The following NRG3 variants were observed in gnomAD, a reference collection of about 807,000 sequenced individuals.
The protein encoded by NRG3 is neuregulin 3, also known as pro-neuregulin-3, membrane-bound isoform.
A neutral mutation model predicts 66.9 loss-of-function variants in NRG3; 31 were observed. The observed-to-expected ratio is 0.46, with a 90% CI of 0.35 to 0.63. The LOEUF is 0.63. NRG3 is among the 20% of genes least tolerant of loss of function. The pLI is 0.00. For synonymous variants in NRG3, 393 were observed against 359.4 expected, an observed-to-expected ratio of 1.09 and a Z score of -1.06; for missense variants, 910 against 878.9, an observed-to-expected ratio of 1.04 and a Z score of -0.45.
At chr10:82,385,485 T>G (rs1333028979) in intron 2 of NRG3, among the ~76,000 whole-genome samples, 1 of 152,160 alleles carries the variant, frequency 6.6e-6, no homozygotes, top group Non-Finnish European at 1.5e-5. Flanking sequence ...AGAATGATAT[T>G]CACTGGTAGG....
chr10:82,074,702 T>C (rs1251315753), intron 1 of NRG3, among the ~76,000 whole-genome samples: 1 of 152,136 alleles, frequency 6.6e-6, no homozygotes, highest in African/African-American at 2.4e-5. Flanking sequence ...CTGGGCATAG[T>C]AGTGTGTGCC....
chr10:82,651,810 G>C (rs1236411009), intron 2 of NRG3, among the ~76,000 whole-genome samples: 1 of 152,200 alleles, frequency 6.6e-6, no homozygotes. Flanking sequence ...CCAAATATCA[G>C]TAGTTCCAAG....
At chr10:82,062,049 A>C (rs988868090) in intron 1 of NRG3, among the ~76,000 whole-genome samples, 6 of 152,166 alleles carry the variant, frequency 3.9e-5, no homozygotes, top group Non-Finnish European at 7.4e-5. Flanking sequence ...ATCCAAAGAT[A>C]GCTTTGGGTT....
At chr10:82,700,816 A>T (rs2055813097) in intron 2 of NRG3, among the ~76,000 whole-genome samples, 1 of 152,132 alleles carries the variant, frequency 6.6e-6, no homozygotes, top group Non-Finnish European at 1.5e-5. Context: ...CAGAAGAAAT[A>T]AATAAATAAT....
chr10:82,668,192 G>T (rs1408289725), intron 2 of NRG3, among the ~76,000 whole-genome samples: 2 of 151,974 alleles, frequency 1.3e-5, no homozygotes, highest in African/African-American at 4.8e-5. Context: ...AGCCCTTTGA[G>T]GCAGAGATGA....
intron 2 of NRG3, among the ~76,000 whole-genome samples, chr10:82,711,989 A>G (rs1015674638): frequency 7.2e-5 from 11 of 152,216 alleles, no homozygotes; most frequent in Admixed American, 5.9e-4. Flanking sequence ...TTTCTATTCA[A>G]GAAAATGATA....
chr10:82,671,996 G>C (rs912573240), intron 2 of NRG3, among the ~76,000 whole-genome samples: 1 of 152,012 alleles, frequency 6.6e-6, no homozygotes, highest in African/African-American at 2.4e-5. Flanking sequence ...CCCAAGTTTC[G>C]GGCCTGAACT....
intron 1 of NRG3, among the ~76,000 whole-genome samples, chr10:81,901,120 A>G (rs552356283): frequency 6.6e-6 from 1 of 152,322 alleles, no homozygotes; most frequent in East Asian, 1.9e-4. Context: ...AGACAGGGGC[A>G]GGGAAGGTAC....
At chr10:82,689,217 G>A (rs1213725582) in intron 2 of NRG3, among the ~76,000 whole-genome samples, 4 of 152,112 alleles carry the variant, frequency 2.6e-5, no homozygotes, top group East Asian at 1.9e-4. Flanking sequence ...ATTGAAGGAC[G>A]TAAAAATGTT....
chr10:82,649,234 CAA>C (rs2051210294), intron 2 of NRG3, among the ~76,000 whole-genome samples: 1 of 152,044 alleles, frequency 6.6e-6, no homozygotes, highest in East Asian at 1.9e-4. Flanking sequence ...GTTTGCATTT[CAA>C]AGAGACACCC....
intron 1 of NRG3, among the ~76,000 whole-genome samples, chr10:81,946,880 C>G (rs532025339): frequency 8.5e-5 from 13 of 152,182 alleles, no homozygotes; most frequent in Non-Finnish European, 1.6e-4. Flanking sequence ...AGGCACGGGC[C>G]TGGTCTTGCT....
chr10:82,614,953 A>G (rs183584704), intron 2 of NRG3, among the ~76,000 whole-genome samples: 2 of 152,086 alleles, frequency 1.3e-5, no homozygotes, highest in Admixed American at 1.3e-4. Flanking sequence ...CATGCTTTCA[A>G]GACCACTGCC....
Position 82,291,426 on chromosome 10 carries a change from A to G in NRG3, c.824-67313A>G, listed in dbSNP as rs79279771. Among the ~76,000 whole-genome samples the G allele has an allele frequency of 3.1e-3, 472 of 152,328 alleles. 2 individuals carry two copies. Among genetic ancestry groups the G allele is most frequent in the African/African-American group, 0.01 (435 of 41,572 alleles). On this transcript the variant is annotated intron_variant, in intron 1 of 8. Coordinates refer to ENST00000372141, the MANE Select transcript of NRG3 (RefSeq NM_001010848.4). ...AAAGATGTTAATTCTCCTGAAATTG[A>G]TAGTCATTCCTATAAAAATCTTAGC...
rs1431161628 is a variant in NRG3 at position 81,957,010 on chromosome 10, G to A, written c.823+80847G>A. Among the ~76,000 whole-genome samples the A allele has an allele frequency of 2.0e-5, 3 of 152,170 alleles. No individual in the cohort carries two copies. The East Asian group carries it at 5.8e-4, about 29-fold the overall frequency. On this transcript the variant is annotated intron_variant, in intron 1 of 8. Transcript: ENST00000372141. Reference sequence around the variant, plus strand: ...TCCATAGCTGTGGGATTGCTCCTGGGTCTGCAATGTCCAGCTCTCTTTGAA... The same window carrying A: ...TCCATAGCTGTGGGATTGCTCCTGGATCTGCAATGTCCAGCTCTCTTTGAA...
At chr10:82,770,961 C>T (rs917879680) in intron 3 of NRG3, among the ~76,000 whole-genome samples, 1 of 152,148 alleles carries the variant, frequency 6.6e-6, no homozygotes, top group Admixed American at 6.6e-5. Context: ...CTGGCATGAA[C>T]TCCCTGAGAG....
intron 1 of NRG3, among the ~76,000 whole-genome samples, chr10:82,140,521 T>G (rs2069690550): frequency 6.6e-6 from 1 of 152,156 alleles, no homozygotes; most frequent in Admixed American, 6.5e-5. Context: ...TAAATGAGTT[T>G]CCAAAAATTA....
rs78595233 is a variant in NRG3 at position 82,074,899 on chromosome 10, A to G, written c.823+198736A>G. On this transcript the variant is annotated intron_variant, in intron 1 of 8. Transcript: ENST00000372141. ...ATAAATTCAGCCACATTGTCCTCCA[A>G]TATGACTTTATCAAACCTGTCTTTT... Among the ~76,000 whole-genome samples the G allele has an allele frequency of 1.2e-3, 181 of 152,312 alleles. 1 individual carries two copies. Among genetic ancestry groups the G allele is most frequent in the African/African-American group, 4.2e-3 (175 of 41,568 alleles).
At chr10:82,712,256 A>G (rs1339778647) in intron 2 of NRG3, among the ~76,000 whole-genome samples, 3 of 152,212 alleles carry the variant, frequency 2.0e-5, no homozygotes, top group Non-Finnish European at 4.4e-5. Context: ...AGTTTTTTAA[A>G]AGATTATACT....
At chr10:81,920,507 A>T (rs1176892192) in intron 1 of NRG3, among the ~76,000 whole-genome samples, 1 of 152,162 alleles carries the variant, frequency 6.6e-6, no homozygotes, top group Admixed American at 6.5e-5. Flanking sequence ...CTAAAAAAAA[A>T]ATGATACTTT....
Sources: allele counts gnomAD v4.1 joint callset (sites outside exome capture counted in the v4.1 genomes callset), GRCh38; gene constraint gnomAD v4.1.1; transcripts MANE v1.5; gene names NCBI Gene and HGNC (gene_info 2026-07-23, HGNC 2026-07-21).